TPO: variants seen among roughly 807,000 people sequenced by gnomAD.
TPO encodes the protein thyroid microsomal antigen.
Under a neutral mutation model 96.9 loss-of-function variants are expected in TPO, and 78 were observed. That is an observed-to-expected ratio of 0.81 (90% CI 0.67 to 0.97). The LOEUF is 0.97. TPO is among the 50% of genes least tolerant of loss of function. The pLI, the probability that TPO is intolerant of heterozygous loss-of-function variation, is 0.00. For synonymous variants in TPO, 547 were observed against 538.0 expected (o/e 1.02, Z -0.23); for missense variants, 1,252 against 1,274.8 (o/e 0.98, Z 0.27).
chr2:1,433,239 C>T (rs1665207575), intron 3 of TPO, among the ~76,000 whole-genome samples, 199 bp from the exon 4 acceptor site: 1 of 152,150 alleles, frequency 6.6e-6, no homozygotes. Context: ...GCATCACTTA[C>T]ACCCTATTCC....
intron 5 of TPO, among the ~76,000 whole-genome samples, chr2:1,452,255 G>T (rs1667373928): frequency 6.6e-6 from 1 of 152,178 alleles, no homozygotes; most frequent in African/African-American, 2.4e-5. Context: ...TAATTATTAT[G>T]CATAGAGATA....
At chr2:1,433,168 C>G (rs1665196950) in intron 3 of TPO, among the ~76,000 whole-genome samples, 1 of 152,156 alleles carries the variant, frequency 6.6e-6, no homozygotes, top group Admixed American at 6.5e-5. Context: ...CCAATTCATT[C>G]TGATTTGGCA....
At chr2:1,516,829 G>A in intron 14 of TPO, 54 bp from the exon 15 acceptor site, 1 of 1,565,792 alleles carries the variant, frequency 6.4e-7, no homozygotes, top group African/African-American at 1.4e-5. Flanking sequence ...AGGACAACCT[G>A]GCTTGCCCAG....
chr2:1,536,977 TC>T (rs1330338818), intron 15 of TPO, among the ~76,000 whole-genome samples: 2 of 28,892 alleles, frequency 6.9e-5, no homozygotes, highest in African/African-American at 3.0e-4. Flanking sequence ...AACCCCCCAA[TC>T]TCCCCCACTG....
In TPO at chr2:1,496,631, G is replaced by A. The variant is rs756126143; in HGVS notation, c.2252G>A (p.Gly751Glu). ...GGCTTCCCAGAGAGCGTGGAGAATG[G>A]GGACTTTGTGCACTGTGAGGAGTCT... ...KCGFPESVENGDFVHCEESGR... is the reference protein window; with the variant it reads ...KCGFPESVENEDFVHCEESGR... Residue 751 changes from glycine (G) to glutamate (E), a missense_variant, in exon 13 of 17, where the codon GGG becomes GAG. By Grantham distance (98) the Gly-to-Glu change is moderately conservative (BLOSUM62 -2). Coordinates refer to ENST00000329066, the MANE Select transcript of TPO (RefSeq NM_001206744.2). The A allele has an allele frequency of 6.2e-7, 1 of 1,613,862 alleles. No homozygotes were observed. Among genetic ancestry groups the A allele is most frequent in the Non-Finnish European group, 8.5e-7 (1 of 1,179,968 alleles).
intron 14 of TPO, among the ~76,000 whole-genome samples, chr2:1,508,763 G>A (rs1259299129): frequency 6.6e-6 from 1 of 152,116 alleles, no homozygotes; most frequent in African/African-American, 2.4e-5. Flanking sequence ...GCGTCTATTT[G>A]ATTCTTCTCT....
chr2:1,448,150 C>T (rs1401885869), intron 5 of TPO, among the ~76,000 whole-genome samples: 1 of 152,178 alleles, frequency 6.6e-6, no homozygotes, highest in African/African-American at 2.4e-5. Flanking sequence ...CCAGAGGTTT[C>T]CAGGAGACTG....
chr2:1,389,982 T>C (rs558034662), intron 1 of TPO, among the ~76,000 whole-genome samples: 6 of 152,176 alleles, frequency 3.9e-5, no homozygotes, highest in Admixed American at 3.9e-4. Flanking sequence ...TGGTGTCCCC[T>C]GGCATACAAG....
intron 1 of TPO, among the ~76,000 whole-genome samples, chr2:1,392,584 A>C (rs1224303569): frequency 2.6e-5 from 4 of 152,204 alleles, no homozygotes. Context: ...GAATGGTACC[A>C]GTTCCTCTTT....
intron 5 of TPO, among the ~76,000 whole-genome samples, chr2:1,436,992 C>T (rs1665640434): frequency 6.6e-6 from 1 of 152,228 alleles, no homozygotes; most frequent in African/African-American, 2.4e-5. Context: ...TGACTGCCCA[C>T]CTCCTCTGGT....
chr2:1,384,112 T>G (rs1450908883), intron 1 of TPO, among the ~76,000 whole-genome samples: 2 of 152,356 alleles, frequency 1.3e-5, no homozygotes, highest in East Asian at 3.9e-4. Context: ...CTGTTTTGGT[T>G]ACTGTAGCCT....
At chr2:1,496,945 C>A (rs1395507504) in intron 13 of TPO, among the ~76,000 whole-genome samples, 180 bp downstream of exon 13, 2 of 152,144 alleles carry the variant, frequency 1.3e-5, no homozygotes, top group East Asian at 3.9e-4. Context: ...TCCCAGCTGG[C>A]CTTTTTCTAG....
chr2:1,388,598 T>A (rs1298747511), intron 1 of TPO, among the ~76,000 whole-genome samples: 1 of 152,208 alleles, frequency 6.6e-6, no homozygotes, highest in Non-Finnish European at 1.5e-5. Flanking sequence ...ATTTTCCAGC[T>A]GCCGTCTGTC....
intron 2 of TPO, among the ~76,000 whole-genome samples, chr2:1,422,329 G>C (rs74586315): frequency 0.018 from 1,484 of 82,722 alleles, 32 homozygotes; most frequent in African/African-American, 0.06. Flanking sequence ...CCTCGTGCAG[G>C]CGCCTCTCCT....
At chr2:1,475,670 A>G (rs4359704) in intron 7 of TPO, among the ~76,000 whole-genome samples, 66,886 of 151,832 alleles carry the variant, frequency 0.44, 14,908 homozygotes, top group East Asian at 0.49. Context: ...TGATCCGCCC[A>G]CCTCGGCCTC....
chr2:1,388,473 G>A (rs949985532), intron 1 of TPO, among the ~76,000 whole-genome samples: 25 of 152,300 alleles, frequency 1.6e-4, no homozygotes, highest in African/African-American at 5.1e-4. Flanking sequence ...TGTGTTAGCA[G>A]TGAGCGAGGC....
chr2:1,502,258 C>T (rs1394458556), intron 13 of TPO, among the ~76,000 whole-genome samples: 1 of 152,168 alleles, frequency 6.6e-6, no homozygotes, highest in Non-Finnish European at 1.5e-5. Flanking sequence ...CCAAGAAAGA[C>T]CTTCTAGGTT....
intron 16 of TPO, chr2:1,541,163 C>CAAAAACTCACTTGTGTA: frequency 8.5e-7 from 1 of 1,176,046 alleles, no homozygotes; most frequent in South Asian, 1.7e-5. Flanking sequence ...GAGGCCATAT[C>CAAAAACTCACTTGTGTA]AAAAACTCAC....
intron 1 of TPO, among the ~76,000 whole-genome samples, chr2:1,390,675 A>G (rs1393181820): frequency 6.6e-6 from 1 of 152,158 alleles, no homozygotes; most frequent in Non-Finnish European, 1.5e-5. Context: ...ATTTCTCCAC[A>G]TCCTCTCCAG....
Sources: allele counts gnomAD v4.1 joint callset (sites outside exome capture counted in the v4.1 genomes callset), GRCh38; gene constraint gnomAD v4.1.1; transcripts MANE v1.5; gene names NCBI Gene and HGNC (gene_info 2026-07-23, HGNC 2026-07-21).